The following USP36 variants were observed in gnomAD, a reference collection of about 807,000 sequenced individuals.
USP36 encodes the protein ubiquitin carboxyl-terminal hydrolase 36.
A neutral mutation model predicts 111.5 loss-of-function variants in USP36; 59 were observed. The observed-to-expected ratio is 0.53, with a 90% confidence interval of 0.43 to 0.66. The LOEUF is 0.66. Ranked by LOEUF, USP36 falls within the 30% of genes least tolerant of loss-of-function variation. The pLI is 0.00. For synonymous variants in USP36, 628 were observed against 581.0 expected (o/e 1.08, Z -1.16); for missense variants, 1,488 against 1,468.0 (o/e 1.01, Z -0.22).
Position 78,814,649 on chromosome 17 carries a change from G to A in USP36, c.1024-97C>T, listed in dbSNP as rs899984534. ...CACAACCACACAAAATGCCCAGCTT[G>A]TCTGGTCTTTAACAATTTGGGGGCC... is the stretch of plus-strand genomic sequence containing the variant. On this transcript the variant is annotated intron_variant, in intron 10 of 20. Coordinates refer to ENST00000449938, the MANE Select transcript of USP36 (RefSeq NM_001385174.1). 14 of 1,457,638 alleles carry A rather than the reference G, an allele frequency of 9.6e-6. No individual in the cohort carries two copies. In the African/African-American group the frequency reaches 1.7e-4, roughly 18 times the overall value. The allele number at this position is 1,457,638 out of a possible 1,614,324, so 90.3% of individuals were successfully genotyped here.
intron 1 of USP36, 191 bp downstream of exon 1, chr17:78,840,545 G>A (rs1599130685): frequency 3.3e-5 from 5 of 152,272 alleles, no homozygotes; most frequent in African/African-American, 9.6e-5. Flanking sequence ...GGAGAAGCGA[G>A]CTCGCGAGCG....
Position 78,827,356 on chromosome 17 carries a change from G to A in USP36, c.587-9C>T. On this transcript the variant is annotated splice_polypyrimidine_tract_variant and intron_variant, in intron 5 of 20. Transcript: ENST00000449938. ...GAAGTGTCGGGCGATCTCTAAAAGAGGAAGAAACAGGGAGGGAAGAGCTCG... is the reference window on the plus strand; with the variant it reads ...GAAGTGTCGGGCGATCTCTAAAAGAAGAAGAAACAGGGAGGGAAGAGCTCG... 6.2e-7 allele frequency: 1 copy of A among 1,605,238 alleles called. No homozygotes were observed. The highest frequency in any genetic ancestry group is 8.5e-7 in the Non-Finnish European group (1 of 1,173,920).
At chr17:78,823,650 A>T (rs2094384436) in intron 6 of USP36, among the ~76,000 whole-genome samples, 1 of 152,200 alleles carries the variant, frequency 6.6e-6, no homozygotes, top group African/African-American at 2.4e-5. Context: ...ACAGGCACGC[A>T]GCTGGAGTAG....
Position 78,803,911 on chromosome 17 carries a change from G to T in USP36, c.2284C>A (p.Leu762Met). The change falls in exon 16 of 21, where the codon CTG becomes ATG. Residue 762 changes from leucine to methionine, a missense_variant. This residue lies in a region of USP36 where 1,073 missense variants were observed against 994.1 expected (regional missense o/e 1.08). Transcript: ENST00000449938. This position sits in a 1 kb window ranked among gnomAD's most constrained non-coding sequence, Gnocchi z 4.6. Reference protein sequence around the residue: ...QPPFSPHPTLLSSTPKPPGTS... With the variant: ...QPPFSPHPTLMSSTPKPPGTS... ...CCTGGGGGCTTGGGGGTACTGGACA[G>T]CAATGTGGGGTGGGGGCTGAAGGGG... is the stretch of plus-strand genomic sequence containing the variant. The T allele has an allele frequency of 6.5e-7, 1 of 1,545,652 alleles. No homozygotes were observed.
intron 4 of USP36, 36 bp downstream of exon 4, chr17:78,835,244 C>A: frequency 1.2e-6 from 2 of 1,600,806 alleles, no homozygotes; most frequent in Non-Finnish European, 8.5e-7. Flanking sequence ...ATCCAGAGGA[C>A]CCACAGCCAC....
At chr17:78,813,076 A>C (rs2094106272) in intron 12 of USP36, 75 bp from the exon 13 acceptor site, 1 of 1,582,442 alleles carries the variant, frequency 6.3e-7, no homozygotes, top group Non-Finnish European at 8.6e-7. Context: ...GAATAAGTTA[A>C]GGCGGGGCAA....
intron 17 of USP36, 107 bp from the exon 18 acceptor site, chr17:78,799,875 G>GT: frequency 4.6e-6 from 1 of 215,060 alleles, no homozygotes; most frequent in Non-Finnish European, 8.0e-6. Flanking sequence ...GTGGATGCTT[G>GT]CCTTTTTTTT....
rs1347306298 is a variant in USP36, at chr17:78,821,125, C to G, written c.758-64G>C. Reference sequence around the variant, plus strand: ...GCAGAGGCACTCCCAGCTCCCAAGACCGAGACCCAGCAGGGAGGCAGACTC... The same window carrying G: ...GCAGAGGCACTCCCAGCTCCCAAGAGCGAGACCCAGCAGGGAGGCAGACTC... On this transcript the variant is annotated intron_variant, in intron 7 of 20. Coordinates refer to ENST00000449938, the MANE Select transcript of USP36 (RefSeq NM_001385174.1). The G allele has an allele frequency of 1.0e-5, 15 of 1,498,748 alleles. No individual in the cohort carries two copies. In the East Asian group the frequency reaches 3.4e-4, roughly 34 times the overall value. 92.8% of individuals were successfully genotyped at this position (1,498,748 alleles called of 1,614,324 possible). A position where few individuals can be genotyped will look rare whatever the true frequency, so the allele number is the denominator to read the frequency against.
intron 2 of USP36, among the ~76,000 whole-genome samples, chr17:78,837,604 A>G (rs946280319): frequency 1.3e-5 from 2 of 152,140 alleles, no homozygotes; most frequent in Non-Finnish European, 2.9e-5. Context: ...CACCTCTCCA[A>G]TCGCTACCTT....
At position 78,807,474 on chromosome 17, in the gene USP36, G is replaced by T. The variant is rs2093938204; in HGVS notation, c.1570C>A (p.His524Asn). The T allele has an allele frequency of 1.2e-6, 2 of 1,614,044 alleles. No homozygotes were observed. Among genetic ancestry groups the T allele is most frequent in the African/African-American group, 2.7e-5 (2 of 74,934 alleles). The change falls in exon 14 of 21, where the codon CAC becomes AAC. Residue 524 changes from histidine (H) to asparagine (N), a missense_variant. Physicochemically the swap from His to Asn is moderately conservative, Grantham distance 68. This residue lies in a region of USP36 where 1,073 missense variants were observed against 994.1 expected (regional missense o/e 1.08). Transcript: ENST00000449938. ...PSPKLSQTPT[H>N]MPTILDDPGK... ...GGGTCGTCTAGGATGGTTGGCATGT[G>T]TGTGGGTGTCTGGGAGAGTTTGGGG...
chr17:78,790,780 T>C (rs1208209329), downstream of USP36, among the ~76,000 whole-genome samples: 1 of 152,228 alleles, frequency 6.6e-6, no homozygotes, highest in African/African-American at 2.4e-5. Flanking sequence ...GTATTTGCCA[T>C]GTACTTAGAC....
At chr17:78,806,327 A>T in intron 14 of USP36, 41 bp from the exon 15 acceptor site, 1 of 1,612,478 alleles carries the variant, frequency 6.2e-7, no homozygotes. Flanking sequence ...TGGTCTAAAA[A>T]AGGTTTCCGT....
At chr17:78,807,729 G>A (rs2145135425) in intron 13 of USP36, 93 bp from the exon 14 acceptor site, 2 of 1,267,762 alleles carry the variant, frequency 1.6e-6, no homozygotes. Context: ...TTAGTAGCAG[G>A]CATGGCCTCT....
intron 14 of USP36, 92 bp from the exon 15 acceptor site, chr17:78,806,378 A>G: frequency 6.5e-7 from 1 of 1,548,366 alleles, no homozygotes; most frequent in Non-Finnish European, 8.7e-7. Flanking sequence ...AATGAAAATA[A>G]AAACAAAAGA....
At chr17:78,812,506 G>T (rs137934093) in intron 13 of USP36, among the ~76,000 whole-genome samples, 1 of 151,798 alleles carries the variant, frequency 6.6e-6, no homozygotes, top group East Asian at 1.9e-4. Context: ...TGGCTAACAC[G>T]GTGAAACCCC....
chr17:78,803,702 C>T lies in USP36; in HGVS notation c.2493G>A (p.Gln831=). ...GAGCCGCAGTGGCCTCCCTGATGTG[C>T]TGTGGGAGGCGCGTCTCTGAGCCCA... The part of the protein sequence containing the change: ...QRLGSETRLP[Q]HIREATAAPH... The change falls in exon 16 of 21, where the codon CAG becomes CAA. Residue 831 remains glutamine (Q), a synonymous_variant. Transcript: ENST00000449938. This position sits in a 1 kb window ranked among gnomAD's most constrained non-coding sequence, Gnocchi z 4.6. 1 of 1,611,832 alleles carries T rather than the reference C, an allele frequency of 6.2e-7. No individual in the cohort carries two copies. The highest frequency in any genetic ancestry group is 8.5e-7 in the Non-Finnish European group (1 of 1,179,884).
chr17:78,832,566 A>G (rs950248765), intron 4 of USP36, among the ~76,000 whole-genome samples: 3 of 152,226 alleles, frequency 2.0e-5, no homozygotes, highest in Admixed American at 2.0e-4. Flanking sequence ...AACAAACTGC[A>G]GCTTACCTGT....
rs113006106 is a variant in USP36, at chr17:78,790,092, CT to C, written c.*21-2435del. Among the ~76,000 whole-genome samples the C allele has an allele frequency of 2.2e-3, 323 of 145,520 alleles. 1 individual carries two copies. Among genetic ancestry groups the C allele is most frequent in the East Asian group, 9.4e-3 (47 of 5,010 alleles). On this transcript the variant is annotated intron_variant, in intron 3 of 3. Transcript: ENST00000588130. Reference sequence around the variant, plus strand: ...AGACAGAAAAATGGCAGAATAATACCTTTTTTTTTTTTTTGAGACGAAGTCT... The same window carrying C: ...AGACAGAAAAATGGCAGAATAATACCTTTTTTTTTTTTTGAGACGAAGTCT...
At chr17:78,820,596 A>G (rs7226193) in intron 8 of USP36, among the ~76,000 whole-genome samples, 21,197 of 152,020 alleles carry the variant, frequency 0.14, 3,409 homozygotes, top group African/African-American at 0.39. Flanking sequence ...AAGGCAGACC[A>G]CCCTCCCGCA....
Sources: allele counts gnomAD v4.1 joint callset (sites outside exome capture counted in the v4.1 genomes callset), GRCh38; gene constraint gnomAD v4.1.1; regional missense constraint gnomAD v4.1.1; non-coding constraint Gnocchi (gnomAD v3.1); transcripts MANE v1.5; gene names NCBI Gene and HGNC (gene_info 2026-07-23, HGNC 2026-07-21).